JARID2: variants seen among roughly 807,000 people sequenced by gnomAD.
JARID2 encodes jumonji and AT-rich interaction domain containing 2.
A neutral mutation model predicts 125.6 loss-of-function variants in JARID2; 21 were observed. That is an observed-to-expected ratio of 0.17 (90% confidence interval 0.12 to 0.24). The LOEUF (loss-of-function observed/expected upper bound fraction) is 0.24, where lower values mean the gene tolerates loss of function less well. Among genes scored for constraint, JARID2 ranks in the 10% least tolerant of loss-of-function variants. The probability of loss-of-function intolerance (pLI) is 1.00; values close to 1 mark genes in which losing one functional copy is unlikely to be tolerated. For synonymous variants in JARID2, 736 were observed against 661.6 expected, an observed-to-expected ratio of 1.11 and a Z score of -1.73; for missense variants, 1,303 against 1,639.6, an observed-to-expected ratio of 0.79 and a Z score of 3.55.
chr6:15,396,798 G>A (rs910522008), intron 2 of JARID2, among the ~76,000 whole-genome samples: 1 of 152,126 alleles, frequency 6.6e-6, no homozygotes, highest in Non-Finnish European at 1.5e-5. Flanking sequence ...GGATAAGGAG[G>A]GCTACAGTGT....
chr6:15,294,452 A>C (rs1761336349), intron 1 of JARID2, among the ~76,000 whole-genome samples: 1 of 152,218 alleles, frequency 6.6e-6, no homozygotes, highest in Non-Finnish European at 1.5e-5. Context: ...TTGGCCTCCC[A>C]AAGTGCTGGG....
intron 3 of JARID2, among the ~76,000 whole-genome samples, chr6:15,442,297 A>C (rs1767481850): frequency 1.3e-5 from 2 of 152,134 alleles, no homozygotes; most frequent in African/African-American, 4.8e-5. Context: ...AATCCCATCG[A>C]GAGATAGTAG....
chr6:15,454,205 T>G (rs963287265), intron 4 of JARID2, among the ~76,000 whole-genome samples: 3 of 152,224 alleles, frequency 2.0e-5, no homozygotes, highest in African/African-American at 7.2e-5. Flanking sequence ...GATGGGAAAC[T>G]CAGCCCTGAC....
chr6:15,437,180 T>C (rs527994262), intron 3 of JARID2, among the ~76,000 whole-genome samples: 1 of 152,156 alleles, frequency 6.6e-6, no homozygotes, highest in Admixed American at 6.5e-5. Flanking sequence ...CAGAGGGAGG[T>C]TGTTTCAGGG....
intron 1 of JARID2, among the ~76,000 whole-genome samples, chr6:15,349,358 G>A (rs707836): frequency 0.87 from 132,843 of 152,214 alleles, 57,988 homozygotes; most frequent in South Asian, 0.93. Flanking sequence ...CAACAACATT[G>A]TGTGCCCTAA....
intron 3 of JARID2, among the ~76,000 whole-genome samples, chr6:15,449,218 A>G (rs1364032701): frequency 6.6e-6 from 1 of 152,186 alleles, no homozygotes; most frequent in South Asian, 2.1e-4. Context: ...ACATAGAGAT[A>G]GTGGCATTGC....
At chr6:15,315,384 A>G (rs1288605165) in intron 1 of JARID2, among the ~76,000 whole-genome samples, 1 of 152,204 alleles carries the variant, frequency 6.6e-6, no homozygotes, top group Non-Finnish European at 1.5e-5. Flanking sequence ...ATGCCCATCT[A>G]TACCAGCTGG....
At chr6:15,467,752 G>A (rs1274513774) in intron 4 of JARID2, among the ~76,000 whole-genome samples, 1 of 152,140 alleles carries the variant, frequency 6.6e-6, no homozygotes, top group Non-Finnish European at 1.5e-5. Flanking sequence ...AGTAAAGGGT[G>A]CAGTGAGCTG....
At chr6:15,382,707 T>G (rs942764960) in intron 2 of JARID2, among the ~76,000 whole-genome samples, 1 of 152,186 alleles carries the variant, frequency 6.6e-6, no homozygotes, top group African/African-American at 2.4e-5. Context: ...GAAATCCAAT[T>G]TAAGTGACAG....
intron 1 of JARID2, among the ~76,000 whole-genome samples, chr6:15,274,930 A>G (rs1353636472): frequency 1.3e-5 from 2 of 152,188 alleles, no homozygotes; most frequent in Non-Finnish European, 2.9e-5. Flanking sequence ...TTCTTTCTCC[A>G]CTGGAGGCTA....
chr6:15,383,755 TCTC>T (rs1366357885), intron 2 of JARID2, among the ~76,000 whole-genome samples: 1 of 152,150 alleles, frequency 6.6e-6, no homozygotes, highest in African/African-American at 2.4e-5. Context: ...TGATTGAACA[TCTC>T]CTGAACACCA....
intron 4 of JARID2, among the ~76,000 whole-genome samples, chr6:15,454,364 T>C (rs1768057609): frequency 6.6e-6 from 1 of 152,214 alleles, no homozygotes; most frequent in African/African-American, 2.4e-5. Flanking sequence ...GAGTTATTAA[T>C]GTATTTGTTA....
In JARID2 at chr6:15,512,265, A is replaced by G; in HGVS notation, c.3010A>G (p.Ser1004Gly). 6.2e-7 allele frequency: 1 copy of G among 1,614,128 alleles called. No homozygotes were observed. The highest frequency in any genetic ancestry group is 8.5e-7 in the Non-Finnish European group (1 of 1,180,010). ...CAAGGTGCACAGGACCGTGCAGCAG[A>G]GTGGCCAGTTTGTCGTCTGCTTCCC... is the stretch of plus-strand genomic sequence containing the variant. ...GIKVHRTVQQ[S>G]GQFVVCFPGS... is the part of the protein sequence containing the mutation. The change falls in exon 14 of 18, where the codon AGT (serine) becomes GGT (glycine). Residue 1004 changes from serine to glycine, a missense_variant. Ser to Gly is a moderately conservative substitution (Grantham distance 56). Around this residue, in one of 11 missense-constraint regions of JARID2, gnomAD observed 190 missense variants for 341.4 expected, o/e 0.56. Transcript: ENST00000341776.
At chr6:15,494,181 G>A (rs937046022) in intron 6 of JARID2, among the ~76,000 whole-genome samples, 1 of 152,104 alleles carries the variant, frequency 6.6e-6, no homozygotes, top group Admixed American at 6.5e-5. Context: ...AGGTCTCAGT[G>A]GCTTCTTTCC....
At chr6:15,417,415 G>C (rs139779935) in intron 3 of JARID2, among the ~76,000 whole-genome samples, 71 of 152,328 alleles carry the variant, frequency 4.7e-4, no homozygotes, top group Non-Finnish European at 7.1e-4. Flanking sequence ...GGTGTTTTGT[G>C]ACCTGAATAA....
chr6:15,469,471 C>T (rs989930865), intron 5 of JARID2, among the ~76,000 whole-genome samples: 5 of 144,920 alleles, frequency 3.5e-5, no homozygotes, highest in Admixed American at 2.1e-4. Flanking sequence ...CTCGCTCTGT[C>T]GCCCAGGCTG....
intron 13 of JARID2, among the ~76,000 whole-genome samples, 157 bp from the exon 14 acceptor site, chr6:15,512,051 C>G (rs545320325): frequency 6.6e-6 from 1 of 152,330 alleles, no homozygotes; most frequent in South Asian, 2.1e-4. Context: ...AGTTTAGAAG[C>G]TCCTTCTTGT....
At chr6:15,313,960 C>G (rs530206460) in intron 1 of JARID2, among the ~76,000 whole-genome samples, 2 of 152,234 alleles carry the variant, frequency 1.3e-5, no homozygotes, top group African/African-American at 4.8e-5. Context: ...TCTAGAAGCC[C>G]TCATGGAGGT....
chr6:15,385,091 T>G (rs140437448), intron 2 of JARID2, among the ~76,000 whole-genome samples: 1 of 152,356 alleles, frequency 6.6e-6, no homozygotes, highest in African/African-American at 2.4e-5. Flanking sequence ...CATATCTGCC[T>G]ATGCTCTTAA....
Sources: allele counts gnomAD v4.1 joint callset (sites outside exome capture counted in the v4.1 genomes callset), GRCh38; gene constraint gnomAD v4.1.1; regional missense constraint gnomAD v4.1.1; transcripts MANE v1.5; gene names NCBI Gene and HGNC (gene_info 2026-07-23, HGNC 2026-07-21).